The following GPKOW variants were observed in gnomAD, a reference collection of about 807,000 sequenced individuals.
GPKOW encodes G-patch domain and KOW motifs-containing protein.
For synonymous variants in GPKOW, 167 were observed against 159.1 expected (o/e 1.05, Z -0.37); for missense variants, 359 against 404.7 (o/e 0.89, Z 0.97).
In GPKOW at chrX:49,117,713, G is replaced by A. The variant is rs2065198434; in HGVS notation, c.664C>T (p.Arg222Cys). ...TGCTCCTCATCTGGTCTTGGCATGC[G>A]GGAGGGGCCAGTGGGGGTCAAGGCC... ...AQALTPTGPSRMPRPDEEQEK... is the reference protein window; with the variant it reads ...AQALTPTGPSCMPRPDEEQEK... The change falls in exon 5 of 11, where the codon CGC becomes TGC. Residue 222 changes from arginine (R) to cysteine (C), a missense_variant. Coordinates refer to ENST00000156109, the MANE Select transcript of GPKOW (RefSeq NM_015698.6). 3 of 1,208,635 alleles carry A rather than the reference G, an allele frequency of 2.5e-6. No homozygotes were observed. Among genetic ancestry groups the A allele is most frequent in the South Asian group, 1.8e-5 (1 of 56,903 alleles).
At chrX:49,115,389 C>G (rs868939653) in intron 9 of GPKOW, among the ~76,000 whole-genome samples, 2 of 106,805 alleles carry the variant, frequency 1.9e-5, no homozygotes, top group Non-Finnish European at 3.9e-5. Context: ...TGCCTGTAAT[C>G]CCAGCTACTC....
At chrX:49,118,696 G>A (rs1308736493) in intron 4 of GPKOW, among the ~76,000 whole-genome samples, 8 of 78,974 alleles carry the variant, frequency 1.0e-4, no homozygotes, top group Non-Finnish European at 1.8e-4. Context: ...CCGAGATTGC[G>A]CCACTGCATC....
rs782421428 is a variant in GPKOW at position 49,122,440 on chromosome X, G to A, written c.414C>T (p.Thr138=). The change falls in exon 3 of 11, where the codon ACC becomes ACT. Residue 138 remains threonine (T), a synonymous_variant. Transcript: ENST00000156109. ...CGCTGTCTGCCCCTTCCCCGCTGGG[G>A]GTGCATCCTTTCTGGATCATGGGGA... The part of the protein sequence containing the change: ...LAIPMIQKGC[T]PSGEGADSEP... 1 of 1,190,277 alleles carries A rather than the reference G, an allele frequency of 8.4e-7. No homozygotes were observed. The highest frequency in any genetic ancestry group is 3.0e-5 in the East Asian group (1 of 33,654).
At chrX:49,118,977 G>A (rs1281718087) in intron 4 of GPKOW, among the ~76,000 whole-genome samples, 18 of 96,130 alleles carry the variant, frequency 1.9e-4, no homozygotes, top group Admixed American at 1.9e-3. Context: ...TTTTTGAGAC[G>A]GAGTCTCACT....
intron 9 of GPKOW, among the ~76,000 whole-genome samples, chrX:49,115,522 GAA>G (rs1379498850): frequency 4.1e-5 from 1 of 24,496 alleles, no homozygotes; most frequent in African/African-American, 1.4e-4. Context: ...AAAAAAAAAA[GAA>G]AAAAAAGAAA....
rs1602562520 is a variant in GPKOW at position 49,116,327 on chromosome X, G to A, written c.914-4C>T. 1 of 1,160,160 alleles carries A rather than the reference G, an allele frequency of 8.6e-7. No homozygotes were observed. Among genetic ancestry groups the A allele is most frequent in the Non-Finnish European group, 1.2e-6 (1 of 849,660 alleles). On this transcript the variant is annotated splice_polypyrimidine_tract_variant and splice_region_variant and intron_variant, in intron 6 of 10. Transcript: ENST00000156109. The stretch of plus-strand genomic sequence containing the variant: ...GAGGCAGTTCCGTTCTGTTGCCCTG[G>A]GGAAGGAAGTTTTGCTCATCTGGCC...
intron 4 of GPKOW, among the ~76,000 whole-genome samples, chrX:49,118,763 A>C (rs1441102477): frequency 6.7e-5 from 7 of 104,437 alleles, no homozygotes; most frequent in Non-Finnish European, 9.8e-5. Flanking sequence ...AAAAAAAAAA[A>C]AAACGCCAAT....
Position 49,116,221 on chromosome X carries a change from C to T in GPKOW, c.1016G>A (p.Arg339Gln), listed in dbSNP as rs781887815. The change falls in exon 7 of 11, where the codon CGA (arginine) becomes CAA (glutamine). Residue 339 changes from arginine to glutamine, a missense_variant and splice_region_variant. Physicochemically the swap from Arg to Gln is conservative, Grantham distance 43. Transcript: ENST00000156109. The part of the protein sequence containing the change: ...SERKRKHLPD[R>Q]QDGPAAKSEK... Reference sequence around the variant, plus strand: ...CCCTCCCGCATGCTCAGAGTCCCACCGGTCTGGAAGGTGTTTCCGCTTCCT... The same window carrying T: ...CCCTCCCGCATGCTCAGAGTCCCACTGGTCTGGAAGGTGTTTCCGCTTCCT... 3.3e-5 allele frequency: 39 copies of T among 1,180,435 alleles called. No homozygotes were observed. The highest frequency in any genetic ancestry group is 4.7e-4 in the Middle Eastern group (2 of 4,280).
At position 49,117,074 on chromosome X, in the gene GPKOW, C is replaced by T. The variant is rs368470725; in HGVS notation, c.869G>A (p.Arg290Gln). The part of the protein sequence containing the change: ...RVVTVSEYYL[R>Q]PVSQQEFDKN... Reference sequence around the variant, plus strand: ...GTCAAACTCCTGCTGGGAGACAGGCCGCAGGTAGTACTCACTAACAGTCAC... The same window carrying T: ...GTCAAACTCCTGCTGGGAGACAGGCTGCAGGTAGTACTCACTAACAGTCAC... Residue 290 changes from arginine (R) to glutamine (Q), a missense_variant, in exon 6 of 11, where the codon CGG (arginine) becomes CAG (glutamine). Transcript: ENST00000156109. 2.4e-5 allele frequency: 29 copies of T among 1,204,119 alleles called. No individual in the cohort carries two copies. Among genetic ancestry groups the T allele is most frequent in the African/African-American group, 1.1e-4 (6 of 57,042 alleles).
In GPKOW at chrX:49,123,731, T is replaced by A. The variant is rs1557091501; in HGVS notation, c.-9A>T. 8.4e-7 allele frequency: 1 copy of A among 1,190,581 alleles called. No individual in the cohort carries two copies. The highest frequency in any genetic ancestry group is 2.3e-5 in the Admixed American group (1 of 43,040). ...TCTTTGGAGTCAGCCATCTTGCTCC[T>A]TTTCCCAGGCCGGCGCGCTGCTTGC... On this transcript the variant is annotated 5_prime_UTR_variant, in exon 1 of 11. In the 5' UTR this introduces an upstream ATG that the reference lacks. Transcript: ENST00000156109.
intron 1 of GPKOW, among the ~76,000 whole-genome samples, chrX:49,122,985 C>G (rs2065219022): frequency 8.9e-6 from 1 of 111,764 alleles, no homozygotes; most frequent in Non-Finnish European, 1.9e-5. Flanking sequence ...TCAGTGCCTT[C>G]GAGAAATAAG....
intron 1 of GPKOW, 36 bp from the exon 2 acceptor site, chrX:49,122,812 G>A (rs1557091333): frequency 8.7e-7 from 1 of 1,150,969 alleles, no homozygotes; most frequent in Non-Finnish European, 1.2e-6. Flanking sequence ...TTGGGAGAAT[G>A]GCAGGGTCAG....
At chrX:49,117,954 C>T (rs781993927) in intron 4 of GPKOW, 144 bp from the exon 5 acceptor site, 33 of 394,175 alleles carry the variant, frequency 8.4e-5, no homozygotes, top group Non-Finnish European at 1.3e-4. Context: ...GAGTTTTGCT[C>T]TTGTCATCCA....
chrX:49,113,455 T>A lies in GPKOW; in HGVS notation c.*166A>T. The A allele has an allele frequency of 2.1e-6, 1 of 473,553 alleles. No individual in the cohort carries two copies. The highest frequency in any genetic ancestry group is 3.6e-6 in the Non-Finnish European group (1 of 277,741). The allele number at this position is 473,553 out of a possible 1,213,427, so 39.0% of individuals were successfully genotyped here. On this transcript the variant is annotated 3_prime_UTR_variant, in exon 11 of 11. Coordinates refer to ENST00000156109, the MANE Select transcript of GPKOW (RefSeq NM_015698.6). Reference sequence around the variant, plus strand: ...CCCTAAATTTTGGTAAATATTGGGTTTGTTTCTAGCTTCCCTACTGGTTCA... The same window carrying A: ...CCCTAAATTTTGGTAAATATTGGGTATGTTTCTAGCTTCCCTACTGGTTCA...
intron 3 of GPKOW, 119 bp from the exon 4 acceptor site, chrX:49,119,933 G>C: frequency 2.2e-6 from 1 of 448,253 alleles, no homozygotes; most frequent in Non-Finnish European, 3.9e-6. Flanking sequence ...ATCAGCTCAA[G>C]GGTGAGTTTT....
At chrX:49,120,270 G>C (rs1188158758) in intron 3 of GPKOW, among the ~76,000 whole-genome samples, 5 of 112,068 alleles carry the variant, frequency 4.5e-5, no homozygotes, top group Non-Finnish European at 7.5e-5. Flanking sequence ...GAGGATATGA[G>C]AAGAAAGTGT....
At chrX:49,121,555 C>A (rs781793193) in intron 3 of GPKOW, among the ~76,000 whole-genome samples, 1 of 111,180 alleles carries the variant, frequency 9.0e-6, no homozygotes, top group East Asian at 2.8e-4. Context: ...TCAAAAGAAG[C>A]AGTGCAAGAA....
At chrX:49,123,238 G>T (rs1363193909) in intron 1 of GPKOW, among the ~76,000 whole-genome samples, 1 of 111,429 alleles carries the variant, frequency 9.0e-6, no homozygotes, top group Non-Finnish European at 1.9e-5. Context: ...CAGCCCTTCA[G>T]TTGAGACACT....
In GPKOW at chrX:49,113,546, C is replaced by T. The variant is rs2065179323; in HGVS notation, c.*75G>A. 1 of 1,016,186 alleles carries T rather than the reference C, an allele frequency of 9.8e-7. No individual in the cohort carries two copies. Among genetic ancestry groups the T allele is most frequent in the East Asian group, 3.1e-5 (1 of 32,659 alleles). 83.7% of individuals were successfully genotyped at this position (1,016,186 alleles called of 1,213,427 possible). A position where few individuals can be genotyped will look rare whatever the true frequency, so the allele number is the denominator to read the frequency against. Reference sequence around the variant, plus strand: ...AAGTAGAGGATGGAACAATGATCTTCCCACCTTCTGAAGGCAACTTTCTCA... The same window carrying T: ...AAGTAGAGGATGGAACAATGATCTTTCCACCTTCTGAAGGCAACTTTCTCA... On this transcript the variant is annotated 3_prime_UTR_variant, in exon 11 of 11. Transcript: ENST00000156109.
Sources: allele counts gnomAD v4.1 joint callset (sites outside exome capture counted in the v4.1 genomes callset), GRCh38; gene constraint gnomAD v4.1.1; transcripts MANE v1.5; gene names NCBI Gene and HGNC (gene_info 2026-07-23, HGNC 2026-07-21).